Variants in ZBTB4 observed in about 807,000 individuals in gnomAD.
ZBTB4 encodes the protein zinc finger and BTB domain-containing protein 4.
ZBTB4 carries 14 observed loss-of-function variants against 59.8 expected under a neutral mutation model. The observed-to-expected ratio is 0.23, with a 90% CI of 0.15 to 0.37. The LOEUF is 0.37. Ranked by LOEUF, ZBTB4 falls within the 10% of genes least tolerant of loss-of-function variation. The pLI is 1.00. For missense variants in ZBTB4, 1,198 were observed against 1,380.8 expected (o/e 0.87, Z 2.10); for synonymous variants, 587 against 575.2 (o/e 1.02, Z -0.29).
At chr17:7,479,723 GC>G (rs1232304374), upstream of ZBTB4, 2 of 151,716 alleles carry the variant, frequency 1.3e-5, no homozygotes, top group African/African-American at 4.9e-5. Context: ...GGAGGCCGGC[GC>G]AGCGCAGCCG....
chr17:7,476,230 C>A (rs906423206), intron 1 of ZBTB4, among the ~76,000 whole-genome samples: 3 of 152,220 alleles, frequency 2.0e-5, no homozygotes, highest in Non-Finnish European at 4.4e-5. Flanking sequence ...GGGCTCAAAA[C>A]CTCCACTGGT....
At chr17:7,469,372 T>C (rs1179203584) in intron 1 of ZBTB4, among the ~76,000 whole-genome samples, 2 of 151,910 alleles carry the variant, frequency 1.3e-5, no homozygotes, top group Admixed American at 1.3e-4. Flanking sequence ...TTCACCGTGT[T>C]AGCCAGGGTA....
chr17:7,464,451 A>T (rs1188724021), intron 3 of ZBTB4, among the ~76,000 whole-genome samples: 2 of 143,032 alleles, frequency 1.4e-5, no homozygotes, highest in African/African-American at 2.6e-5. Context: ...AAAAAAAAAA[A>T]ACCTCAGCTG....
At chr17:7,467,056 G>C in intron 2 of ZBTB4, 1 of 754,468 alleles carries the variant, frequency 1.3e-6, no homozygotes, top group Non-Finnish European at 1.6e-6. Context: ...TCATGGTGAA[G>C]GTCAAGGGGT....
upstream of ZBTB4, among the ~76,000 whole-genome samples, chr17:7,479,957 G>C (rs2070322803): frequency 6.6e-6 from 1 of 152,024 alleles, no homozygotes; most frequent in South Asian, 2.1e-4. Context: ...CTGCCTGAAA[G>C]CATAACACAC....
upstream of ZBTB4, chr17:7,482,637 G>T: frequency 6.2e-7 from 1 of 1,612,058 alleles, no homozygotes; most frequent in Non-Finnish European, 8.5e-7. Flanking sequence ...TTTCCCTCCT[G>T]CCTCCCAACA....
At chr17:7,482,314 C>T (rs2070355379), upstream of ZBTB4, 1 of 1,613,906 alleles carries the variant, frequency 6.2e-7, no homozygotes, top group Admixed American at 1.7e-5. Context: ...ATGCCCTGCT[C>T]AACGTCCTCA....
At chr17:7,477,419 T>G (rs1044022424) in intron 1 of ZBTB4, among the ~76,000 whole-genome samples, 2 of 152,188 alleles carry the variant, frequency 1.3e-5, no homozygotes, top group Non-Finnish European at 2.9e-5. Context: ...ACCGTCACTG[T>G]GCACCTGTTG....
rs1454107808 is a variant in ZBTB4, at chr17:7,466,773, G to A, written c.29C>T (p.Pro10Leu). MPPPAEVTD[P>L]SHAPAVLRQL... is the part of the protein sequence containing the mutation. ...GCGCAGGACGGCGGGGGCATGGGAC[G>A]GGTCCGTCACCTCTGCAGGGGGGGG... Residue 10 changes from proline (P) to leucine (L), a missense_variant, in exon 3 of 4, where the codon CCG becomes CTG. By Grantham distance (98) the Pro-to-Leu change is moderately conservative. Transcript: ENST00000380599. The surrounding 1 kb of genome is among the most constrained non-coding windows in gnomAD (Gnocchi z 9.1). 5 of 1,578,920 alleles carry A rather than the reference G, an allele frequency of 3.2e-6. No individual in the cohort carries two copies. The highest frequency in any genetic ancestry group is 1.3e-5 in the African/African-American group (1 of 74,586).
chr17:7,482,995 G>GGAGT (rs1481748648), upstream of ZBTB4: 1 of 1,611,864 alleles, frequency 6.2e-7, no homozygotes, highest in Non-Finnish European at 8.5e-7. Context: ...GGAAGGTGGA[G>GGAGT]GAGTGAGATA....
At position 7,462,608 on chromosome 17, in the gene ZBTB4, G is replaced by A. The variant is rs1399833903; in HGVS notation, c.2374C>T (p.Pro792Ser). ...RHGQRHAAER[P>S]GGTPTPVIAY... ...ATGACAGGGGTTGGGGTGCCCCCGG[G>A]CCGCTCAGCAGCATGCCTCTGCCCG... Residue 792 changes from proline to serine, a missense_variant, in exon 4 of 4, where the codon CCC (proline) becomes TCC (serine). Pro to Ser is a moderately conservative substitution (Grantham distance 74, BLOSUM62 -1). This residue lies in a region of ZBTB4 where 550 missense variants were observed against 541.8 expected (regional missense o/e 1.02). Transcript: ENST00000380599. The surrounding 1 kb of genome is among the most constrained non-coding windows in gnomAD (Gnocchi z 7.5). 4 of 1,610,234 alleles carry A rather than the reference G, an allele frequency of 2.5e-6. No individual in the cohort carries two copies. The highest frequency in any genetic ancestry group is 1.7e-4 in the Middle Eastern group (1 of 6,056).
rs535300063 is a variant in ZBTB4, at chr17:7,471,582, C to A, written c.-80-4255G>T. Among the ~76,000 whole-genome samples, 289 of 152,274 alleles carry A rather than the reference C, an allele frequency of 1.9e-3. 1 individual carries two copies. The highest frequency in any genetic ancestry group is 6.3e-3 in the African/African-American group (263 of 41,544). On this transcript the variant is annotated intron_variant, in intron 1 of 3. Transcript: ENST00000380599. ...TGCCTCTGGTTTTGTTGCTAGCCAA[C>A]CCAGCGTTTGGACGCAGCTTGAGTT...
At position 7,463,493 on chromosome 17, in the gene ZBTB4, C is replaced by G; in HGVS notation, c.1489G>C (p.Ala497Pro). 3 of 1,544,688 alleles carry G rather than the reference C, an allele frequency of 1.9e-6. No individual in the cohort carries two copies. Among genetic ancestry groups the G allele is most frequent in the Non-Finnish European group, 2.6e-6 (3 of 1,145,902 alleles). Residue 497 changes from alanine to proline, a missense_variant, in exon 4 of 4, where the codon GCC (alanine) becomes CCC (proline). Transcript: ENST00000380599. ...GCAGCTTGGGACCCTCCTGTGCTGG[C>G]CGTCCCACTCCCCCCTCCACCACTG... Reference protein sequence around the residue: ...SSSGGGGSGTASTGGSQAASV... With the variant: ...SSSGGGGSGTPSTGGSQAASV...
chr17:7,482,974 T>G (rs2070367231), upstream of ZBTB4: 1 of 1,611,350 alleles, frequency 6.2e-7, no homozygotes, highest in African/African-American at 1.3e-5. Context: ...ACCTCAGCTG[T>G]GAGAGGGAAG....
At chr17:7,467,367 A>T in intron 1 of ZBTB4, 40 bp from the exon 2 acceptor site, 1 of 606,984 alleles carries the variant, frequency 1.6e-6, no homozygotes, top group Non-Finnish European at 2.1e-6. Flanking sequence ...AACCTAGAGG[A>T]GGAGCAGAAG....
Position 7,461,832 on chromosome 17 carries a change from C to G in ZBTB4, c.*108G>C. 1 of 1,059,444 alleles carries G rather than the reference C, an allele frequency of 9.4e-7. No homozygotes were observed. Among genetic ancestry groups the G allele is most frequent in the Non-Finnish European group, 1.4e-6 (1 of 733,356 alleles). 65.6% of individuals were successfully genotyped at this position (1,059,444 alleles called of 1,614,324 possible). ...AGCTCCAGGGGCCCCCAAGTCCCTG[C>G]ACAAGAGTGTGAAGGGGCTCCCAAG... On this transcript the variant is annotated 3_prime_UTR_variant, in exon 4 of 4. Transcript: ENST00000380599.
At chr17:7,475,940 A>T (rs1269884456) in intron 1 of ZBTB4, among the ~76,000 whole-genome samples, 2 of 152,196 alleles carry the variant, frequency 1.3e-5, no homozygotes, top group African/African-American at 4.8e-5. Flanking sequence ...AAACCACCGC[A>T]CAAGGTCTCA....
Position 7,462,957 on chromosome 17 carries a change from C to A in ZBTB4, c.2025G>T (p.Lys675Asn). The A allele has an allele frequency of 1.9e-6, 3 of 1,608,514 alleles. No homozygotes were observed. Among genetic ancestry groups the A allele is most frequent in the Non-Finnish European group, 2.5e-6 (3 of 1,178,196 alleles). The change falls in exon 4 of 4, where the codon AAG becomes AAT. Residue 675 changes from lysine to asparagine, a missense_variant. Around this residue, in one of 9 missense-constraint regions of ZBTB4, gnomAD observed 550 missense variants for 541.8 expected, o/e 1.02. Coordinates refer to ENST00000380599, the MANE Select transcript of ZBTB4 (RefSeq NM_001128833.2). This position sits in a 1 kb window ranked among gnomAD's most constrained non-coding sequence, Gnocchi z 7.5. ...CACTGGCACCTCCAGCAGCTCCAGC[C>A]TTGCGCTTAGGCTTGTAGGAGTAGT... The part of the protein sequence containing the change: ...RPYYSYKPKR[K>N]AGAAGGASVG...
upstream of ZBTB4, chr17:7,483,467 T>C (rs759435488): frequency 1.7e-5 from 4 of 242,412 alleles, no homozygotes; most frequent in Admixed American, 5.2e-5. Flanking sequence ...GACGTGACAT[T>C]GACATCAAAC....
Sources: allele counts gnomAD v4.1 joint callset (sites outside exome capture counted in the v4.1 genomes callset), GRCh38; gene constraint gnomAD v4.1.1; regional missense constraint gnomAD v4.1.1; non-coding constraint Gnocchi (gnomAD v3.1); transcripts MANE v1.5; gene names NCBI Gene and HGNC (gene_info 2026-07-23, HGNC 2026-07-21).